The following RBM34 variants were observed in gnomAD, a reference collection of about 807,000 sequenced individuals.
RBM34 encodes the protein RNA-binding protein 34.
A neutral mutation model predicts 44.6 loss-of-function variants in RBM34; 39 were observed. The observed-to-expected ratio is 0.87, with a 90% CI of 0.68 to 1.14. The LOEUF is 1.14. Ranked by LOEUF, RBM34 falls within the 50% of genes most tolerant of loss-of-function variation. RBM34 has a pLI of 0.00. For synonymous variants in RBM34, 194 were observed against 184.0 expected (o/e 1.05, Z -0.44); for missense variants, 572 against 517.9 (o/e 1.10, Z -1.01).
At chr1:235,152,947 C>G (rs1379501027) in intron 4 of RBM34, among the ~76,000 whole-genome samples, 182 bp from the exon 5 acceptor site, 1 of 149,968 alleles carries the variant, frequency 6.7e-6, no homozygotes, top group Non-Finnish European at 1.5e-5. Flanking sequence ...CAGCTCACTG[C>G]AACCTCCGCC....
chr1:235,152,414 A>G (rs1662205677), intron 5 of RBM34: 1 of 973,214 alleles, frequency 1.0e-6, no homozygotes, highest in Non-Finnish European at 1.3e-6. Context: ...ATCAGTATTA[A>G]CTTTTCAGTC....
chr1:235,149,096 TG>T (rs1662040525), intron 5 of RBM34, among the ~76,000 whole-genome samples: 1 of 150,258 alleles, frequency 6.7e-6, no homozygotes. Context: ...ACATGAAAAA[TG>T]TAAGGAAAAG....
intron 3 of RBM34, 131 bp from the exon 4 acceptor site, chr1:235,155,243 C>T (rs896529932): frequency 2.6e-5 from 19 of 744,256 alleles, no homozygotes; most frequent in Non-Finnish European, 4.2e-5. Context: ...AGATTTACTA[C>T]TCACAAATAT....
At chr1:235,145,120 C>T (rs1454194054) in intron 6 of RBM34, among the ~76,000 whole-genome samples, 1 of 152,098 alleles carries the variant, frequency 6.6e-6, no homozygotes, top group Non-Finnish European at 1.5e-5. Context: ...TCACAAAAGA[C>T]TGATTTCATG....
chr1:235,161,207 C>T lies in RBM34; in HGVS notation c.20G>A (p.Ser7Asn), dbSNP rs1329280722. 2 of 1,611,322 alleles carry T rather than the reference C, an allele frequency of 1.2e-6. No individual in the cohort carries two copies. Among genetic ancestry groups the T allele is most frequent in the Non-Finnish European group, 1.7e-6 (2 of 1,178,564 alleles). MALEGM[S>N]KRKRKRSVQE... The stretch of plus-strand genomic sequence containing the variant: ...GACACTTCTCTTTCTCTTCCGTTTG[C>T]TCATCCCTTCCAAGGCCATTCTTAC... The change falls in exon 1 of 11, where the codon AGC becomes AAC. Residue 7 changes from serine (S) to asparagine (N), a missense_variant. Coordinates refer to ENST00000408888, the MANE Select transcript of RBM34 (RefSeq NM_015014.4).
At position 235,136,146 on chromosome 1, in the gene RBM34, T is replaced by C. The variant is rs1312851366; in HGVS notation, c.850-73A>G. The C allele has an allele frequency of 1.1e-5, 14 of 1,257,318 alleles. No individual in the cohort carries two copies. The East Asian group carries it at 3.4e-4, about 31-fold the overall frequency. The allele number at this position is 1,257,318 out of a possible 1,614,324, so 77.9% of individuals were successfully genotyped here. Reference sequence around the variant, plus strand: ...TGGAAGTCATCGAAAATCCTCCCTATCCCTCCTTCCCCCCATATCTGACAG... The same window carrying C: ...TGGAAGTCATCGAAAATCCTCCCTACCCCTCCTTCCCCCCATATCTGACAG... On this transcript the variant is annotated intron_variant, in intron 8 of 10. Transcript: ENST00000408888.
At position 235,152,607 on chromosome 1, in the gene RBM34, G is replaced by C. The variant is rs573507238; in HGVS notation, c.657+99C>G. 5.9e-6 allele frequency: 9 copies of C among 1,538,156 alleles called. No homozygotes were observed. In the Admixed American group the frequency reaches 2.0e-4, roughly 34 times the overall value. Reference sequence around the variant, plus strand: ...AAATTTGAACCTATTGATTCAAAAGGTTAAAGTGCTTCACCATCTCACTAA... The same window carrying C: ...AAATTTGAACCTATTGATTCAAAAGCTTAAAGTGCTTCACCATCTCACTAA... On this transcript the variant is annotated intron_variant, in intron 5 of 10. Coordinates refer to ENST00000408888, the MANE Select transcript of RBM34 (RefSeq NM_015014.4).
intron 6 of RBM34, among the ~76,000 whole-genome samples, chr1:235,141,355 G>C (rs1661675713): frequency 6.6e-6 from 1 of 152,178 alleles, no homozygotes; most frequent in Non-Finnish European, 1.5e-5. Context: ...TCTGTATCTA[G>C]CTGCTCTGGT....
intron 6 of RBM34, among the ~76,000 whole-genome samples, chr1:235,140,085 G>A (rs1211241860): frequency 1.3e-5 from 2 of 152,238 alleles, no homozygotes; most frequent in Non-Finnish European, 2.9e-5. Flanking sequence ...AAGGCACAAA[G>A]CCCCACCTGG....
chr1:235,152,747 T>TA lies in RBM34; in HGVS notation c.615dup (p.Lys206Ter). On this transcript the variant is annotated frameshift_variant, in exon 5 of 11. Transcript: ENST00000408888. LOFTEE classifies it high-confidence loss of function. ...ACAGATTCTATTTGTCCATACTCTT[T>TA]AAAAAACGACTTCAGCTTCTAAAAT... 2 of 1,585,818 alleles carry TA rather than the reference T, an allele frequency of 1.3e-6. No homozygotes were observed. Among genetic ancestry groups the TA allele is most frequent in the South Asian group, 2.4e-5 (2 of 84,606 alleles).
chr1:235,147,221 A>C (rs1231708096), intron 6 of RBM34, among the ~76,000 whole-genome samples: 1 of 152,200 alleles, frequency 6.6e-6, no homozygotes, highest in Non-Finnish European at 1.5e-5. Context: ...ACAGAGCAAG[A>C]GCTTGTATGT....
intron 10 of RBM34, among the ~76,000 whole-genome samples, chr1:235,134,822 G>A (rs1188683636): frequency 4.0e-5 from 6 of 149,268 alleles, no homozygotes; most frequent in African/African-American, 1.5e-4. Flanking sequence ...TCGGCTCACC[G>A]CAACCTCTGC....
At chr1:235,158,326 A>T (rs1662538340) in intron 3 of RBM34, among the ~76,000 whole-genome samples, 1 of 151,856 alleles carries the variant, frequency 6.6e-6, no homozygotes, top group African/African-American at 2.4e-5. Flanking sequence ...CTGAGGCAGG[A>T]GAATCGCTTG....
intron 6 of RBM34, among the ~76,000 whole-genome samples, chr1:235,146,885 T>G (rs1431903153): frequency 6.6e-6 from 1 of 152,194 alleles, no homozygotes; most frequent in Non-Finnish European, 1.5e-5. Flanking sequence ...CCTCCCAAAG[T>G]GCTGGGATTA....
At chr1:235,140,347 GGGCGTGGGCTT>G (rs1661625397) in intron 6 of RBM34, among the ~76,000 whole-genome samples, 1 of 152,206 alleles carries the variant, frequency 6.6e-6, no homozygotes. Context: ...AGTTCCAGGT[GGGCGTGGGCTT>G]GGCGGGCCCC....
rs184915576 is a variant in RBM34, at chr1:235,160,525, T to C, written c.351A>G (p.Lys117=). ...ATTTTACCAACCTGTCTGCCAACTT[T>C]TTTTCTGCGTTAGTGTGTTTCTTCT... ...KAKKKHTNAE[K]KLADRESALA... Residue 117 remains lysine, a synonymous_variant, in exon 3 of 11, where the codon AAA becomes AAG. Coordinates refer to ENST00000408888, the MANE Select transcript of RBM34 (RefSeq NM_015014.4). 1.9e-5 allele frequency: 30 copies of C among 1,609,656 alleles called. No homozygotes were observed. The African/African-American group carries it at 2.1e-4, about 11-fold the overall frequency.
intron 5 of RBM34, among the ~76,000 whole-genome samples, chr1:235,148,816 T>G (rs997157794): frequency 1.3e-5 from 2 of 151,886 alleles, no homozygotes; most frequent in Non-Finnish European, 2.9e-5. Flanking sequence ...GCCAGGATGG[T>G]CTCGATCTCC....
Position 235,152,870 on chromosome 1 carries a change from C to CTTT in RBM34, c.598-108_598-106dup, listed in dbSNP as rs11351017. 6.1e-4 allele frequency: 361 copies of CTTT among 594,116 alleles called. 2 individuals carry two copies. The African/African-American group carries it at 6.3e-3, about 10-fold the overall frequency. 36.8% of individuals were successfully genotyped at this position (594,116 alleles called of 1,614,324 possible). ...TGTCTGATAATCCTCTACTGCCAGG[C>CTTT]TTTTTTTTTTTTTTTTGAGACAGAG... On this transcript the variant is annotated intron_variant, in intron 4 of 10. Transcript: ENST00000408888.
At chr1:235,153,488 C>G (rs550632876) in intron 4 of RBM34, among the ~76,000 whole-genome samples, 1 of 151,438 alleles carries the variant, frequency 6.6e-6, no homozygotes, top group South Asian at 2.1e-4. Context: ...TGCGGTGGCA[C>G]GATCTTGGCT....
Sources: gnomAD v4.1 joint callset for allele counts (sites outside exome capture counted in the v4.1 genomes callset) on GRCh38, gnomAD v4.1.1 for gene constraint, MANE v1.5 for transcripts, NCBI Gene and HGNC (gene_info 2026-07-23, HGNC 2026-07-21) for gene names.